AHI1: variants seen among roughly 807,000 people sequenced by gnomAD.
AHI1 encodes the protein Abelson helper integration site 1, also known as jouberin.
AHI1 carries 123 observed loss-of-function variants against 149.3 expected under a neutral mutation model. The ratio of observed to expected loss-of-function variants is 0.82; its 90% CI spans 0.71 to 0.96. The LOEUF (loss-of-function observed/expected upper bound fraction) is 0.96, where lower values mean the gene tolerates loss of function less well. Among genes scored for constraint, AHI1 ranks in the 40% least tolerant of loss-of-function variants. AHI1 has a pLI of 0.00. For synonymous variants in AHI1, 475 were observed against 459.8 expected (o/e 1.03, Z -0.42); for missense variants, 1,439 against 1,422.7 (o/e 1.01, Z -0.18).
At chr6:135,467,013 A>G (rs1038111234) in intron 6 of AHI1, among the ~76,000 whole-genome samples, 2 of 152,218 alleles carry the variant, frequency 1.3e-5, no homozygotes, top group African/African-American at 2.4e-5. Flanking sequence ...AATACAAGGA[A>G]GAGGAGGAGG....
intron 23 of AHI1, among the ~76,000 whole-genome samples, chr6:135,365,734 G>A (rs994973781): frequency 6.6e-6 from 1 of 152,066 alleles, no homozygotes; most frequent in Non-Finnish European, 1.5e-5. Context: ...GCGTTTTCTA[G>A]GTATACAATC....
rs190284783 is a variant in AHI1 at position 135,405,646 on chromosome 6, G to A, written c.2962-669C>T. ...GAGGCCGAGGCAGGCAGATCACGAG[G>A]TCAAGAGATCGAGACCATCCTGGGC... On this transcript the variant is annotated intron_variant, in intron 21 of 28. Transcript: ENST00000265602. 5.7e-4 allele frequency among the ~76,000 whole-genome samples: 87 copies of A among 152,050 alleles called. 2 individuals are homozygous for A. The highest frequency in any genetic ancestry group is 4.8e-3 in the Admixed American group (74 of 15,272).
chr6:135,320,355 G>T (rs1470025602), intron 25 of AHI1, among the ~76,000 whole-genome samples: 1 of 152,166 alleles, frequency 6.6e-6, no homozygotes, highest in East Asian at 1.9e-4. Context: ...TTGAGACAAA[G>T]AATTTATTTC....
At chr6:135,429,644 A>G (rs1216011173) in intron 18 of AHI1, among the ~76,000 whole-genome samples, 1 of 151,428 alleles carries the variant, frequency 6.6e-6, no homozygotes. Flanking sequence ...TTTGGGCTGG[A>G]TAATTGTTTT....
At chr6:135,445,852 C>T (rs566707613) in intron 13 of AHI1, among the ~76,000 whole-genome samples, 4 of 152,082 alleles carry the variant, frequency 2.6e-5, no homozygotes, top group South Asian at 2.1e-4. Flanking sequence ...GTCAGGAGAT[C>T]GAGACCATCC....
At chr6:135,300,752 G>T in intron 26 of AHI1, 194 bp from the exon 27 acceptor site, 1 of 1,187,158 alleles carries the variant, frequency 8.4e-7, no homozygotes, top group Non-Finnish European at 1.0e-6. Context: ...AAAAACCAAG[G>T]AAGTAGTTCT....
At chr6:135,364,337 G>A (rs1316393969) in intron 23 of AHI1, among the ~76,000 whole-genome samples, 4 of 151,354 alleles carry the variant, frequency 2.6e-5, no homozygotes, top group Admixed American at 6.6e-5. Context: ...ATGTGATGGC[G>A]GCCGGGAAGA....
chr6:135,486,985 T>A (rs1794568861), intron 5 of AHI1, among the ~76,000 whole-genome samples: 1 of 152,094 alleles, frequency 6.6e-6, no homozygotes. Flanking sequence ...AGGCTAGTCT[T>A]GAACTCCTGC....
intron 5 of AHI1, among the ~76,000 whole-genome samples, chr6:135,484,319 T>C (rs570295839): frequency 1.3e-5 from 2 of 152,322 alleles, no homozygotes; most frequent in Admixed American, 6.5e-5. Context: ...GTTACCTTTC[T>C]ACCAGCATTC....
intron 24 of AHI1, among the ~76,000 whole-genome samples, chr6:135,329,564 T>A (rs1396605399): frequency 6.6e-6 from 1 of 152,230 alleles, no homozygotes; most frequent in Non-Finnish European, 1.5e-5. Context: ...TTCTCACTGG[T>A]CTACCAAAGA....
In AHI1 at chr6:135,362,132, A is replaced by G. The variant is rs142454837; in HGVS notation, c.3110-3945T>C. Among the ~76,000 whole-genome samples the G allele has an allele frequency of 2.6e-3, 401 of 151,368 alleles. 5 individuals carry two copies. Among genetic ancestry groups the G allele is most frequent in the African/African-American group, 8.7e-3 (358 of 41,184 alleles). ...TGTGTGTGTAGGTGTGAGTGTGTGT[A>G]TATATATATATGTATAAAGAAAATG... On this transcript the variant is annotated intron_variant, in intron 23 of 28. Transcript: ENST00000265602.
intron 26 of AHI1, among the ~76,000 whole-genome samples, chr6:135,313,605 A>T (rs775444977): frequency 2.0e-5 from 3 of 152,222 alleles, no homozygotes; most frequent in Non-Finnish European, 2.9e-5. Context: ...AGATCACTCT[A>T]TGAGGGGCAA....
intron 5 of AHI1, among the ~76,000 whole-genome samples, chr6:135,469,737 T>C (rs1791396030): frequency 1.3e-5 from 2 of 152,252 alleles, no homozygotes; most frequent in Middle Eastern, 3.4e-3. Flanking sequence ...ATTTAATAAA[T>C]GGTGCTGGGA....
intron 23 of AHI1, among the ~76,000 whole-genome samples, chr6:135,380,032 C>G (rs1015112891): frequency 7.2e-6 from 1 of 139,182 alleles, no homozygotes; most frequent in Non-Finnish European, 1.6e-5. Flanking sequence ...TCCTTCCTTC[C>G]TCCCTCCCTC....
chr6:135,363,041 T>A (rs929231357), intron 23 of AHI1, among the ~76,000 whole-genome samples: 6 of 148,534 alleles, frequency 4.0e-5, no homozygotes, highest in South Asian at 2.1e-4. Flanking sequence ...TTTATTTTAT[T>A]TTATTATTAT....
At chr6:135,451,206 A>G (rs369542387) in intron 11 of AHI1, among the ~76,000 whole-genome samples, 3 of 152,156 alleles carry the variant, frequency 2.0e-5, no homozygotes, top group Non-Finnish European at 4.4e-5. Context: ...CATATTGGCC[A>G]GGTTGGTCTC....
Position 135,455,861 on chromosome 6 carries a change from TG to T in AHI1, c.1216del (p.Gln406SerfsTer8). The T allele has an allele frequency of 6.3e-7, 1 of 1,592,908 alleles. No individual in the cohort carries two copies. Among genetic ancestry groups the T allele is most frequent in the Non-Finnish European group, 8.6e-7 (1 of 1,166,592 alleles). On this transcript the variant is annotated frameshift_variant, in exon 10 of 29. Coordinates refer to ENST00000265602, the MANE Select transcript of AHI1 (RefSeq NM_001134831.2). LOFTEE classifies it high-confidence loss of function. The part of the protein sequence containing the change: ...NVDYILPIMT[Q>X]PYDFKQLKSR... ...TTTTAACTGTTTAAAATCATATGGCTGGGTCATAATAGGAAGAATATAATCC... is the reference window on the plus strand; with the variant it reads ...TTTTAACTGTTTAAAATCATATGGCTGGTCATAATAGGAAGAATATAATCC...
intron 23 of AHI1, among the ~76,000 whole-genome samples, chr6:135,377,180 C>T (rs1423538871): frequency 6.6e-6 from 1 of 151,844 alleles, no homozygotes; most frequent in Non-Finnish European, 1.5e-5. Context: ...GTAAAATATC[C>T]TTACTTTAGC....
At chr6:135,388,983 G>A (rs1778027535) in intron 23 of AHI1, among the ~76,000 whole-genome samples, 1 of 151,006 alleles carries the variant, frequency 6.6e-6, no homozygotes, top group Admixed American at 6.6e-5. Flanking sequence ...CTGCACTCCA[G>A]CCTGGGTGAC....
Sources: allele counts gnomAD v4.1 joint callset (sites outside exome capture counted in the v4.1 genomes callset), GRCh38; gene constraint gnomAD v4.1.1; transcripts MANE v1.5; gene names NCBI Gene and HGNC (gene_info 2026-07-23, HGNC 2026-07-21).